SCD5: variants seen among roughly 807,000 people sequenced by gnomAD.
The protein encoded by SCD5 is acyl-CoA-desaturase 4.
In SCD5, 20 loss-of-function variants were observed where a neutral mutation model predicts 30.4. The ratio of observed to expected loss-of-function variants is 0.66; its 90% CI spans 0.46 to 0.96. The LOEUF is 0.96. Ranked by LOEUF, SCD5 falls within the 40% of genes least tolerant of loss-of-function variation. SCD5 has a pLI of 0.00. For synonymous variants in SCD5, 173 were observed against 176.4 expected (o/e 0.98, Z 0.16); for missense variants, 381 against 443.3 (o/e 0.86, Z 1.26).
At chr4:82,787,186 G>C (rs1279957889) in intron 1 of SCD5, among the ~76,000 whole-genome samples, 1 of 152,202 alleles carries the variant, frequency 6.6e-6, no homozygotes, top group Non-Finnish European at 1.5e-5. Flanking sequence ...GACTTCATCA[G>C]TGAGATTCTG....
intron 1 of SCD5, among the ~76,000 whole-genome samples, chr4:82,708,919 T>TAATAGCTACC (rs11269316): frequency 6.6e-6 from 1 of 151,972 alleles, no homozygotes; most frequent in Non-Finnish European, 1.5e-5. Flanking sequence ...TAATAAATAA[T>TAATAGCTACC]ATTGACTGAG....
intron 3 of SCD5, among the ~76,000 whole-genome samples, chr4:82,674,679 T>C (rs929261525): frequency 6.6e-6 from 1 of 152,298 alleles, no homozygotes; most frequent in East Asian, 1.9e-4. Context: ...ACATGAATGT[T>C]TACTCTAGCT....
chr4:82,637,160 G>A (rs1410182420), intron 3 of SCD5, among the ~76,000 whole-genome samples: 2 of 152,138 alleles, frequency 1.3e-5, no homozygotes, highest in African/African-American at 4.8e-5. Context: ...CAGGCCACCA[G>A]TTCAAGATAG....
intron 1 of SCD5, among the ~76,000 whole-genome samples, chr4:82,781,324 G>A (rs1721867368): frequency 6.6e-6 from 1 of 151,980 alleles, no homozygotes; most frequent in Admixed American, 6.6e-5. Context: ...GCTGAGGCAG[G>A]AGAATAGCTT....
chr4:82,652,388 C>A (rs181548429), intron 3 of SCD5, among the ~76,000 whole-genome samples: 1 of 152,286 alleles, frequency 6.6e-6, no homozygotes, highest in Non-Finnish European at 1.5e-5. Context: ...GCAAAGTAAG[C>A]AGGCAATAGG....
intron 1 of SCD5, among the ~76,000 whole-genome samples, chr4:82,730,778 G>C (rs1188824165): frequency 1.3e-5 from 2 of 151,866 alleles, no homozygotes; most frequent in Non-Finnish European, 2.9e-5. Flanking sequence ...TAGAGACGGG[G>C]TTTCACCATG....
At chr4:82,754,003 T>C (rs1356316919) in intron 1 of SCD5, among the ~76,000 whole-genome samples, 1 of 152,004 alleles carries the variant, frequency 6.6e-6, no homozygotes, top group Non-Finnish European at 1.5e-5. Flanking sequence ...CCTGGCTCCT[T>C]AGGGTCCTCC....
At chr4:82,673,309 TACA>T (rs1426253366) in intron 3 of SCD5, among the ~76,000 whole-genome samples, 1 of 152,154 alleles carries the variant, frequency 6.6e-6, no homozygotes, top group African/African-American at 2.4e-5. Flanking sequence ...AATAAGCTAT[TACA>T]ACAAGGTTGC....
chr4:82,676,684 T>C (rs1224125358), intron 3 of SCD5, among the ~76,000 whole-genome samples: 1 of 152,172 alleles, frequency 6.6e-6, no homozygotes, highest in African/African-American at 2.4e-5. Flanking sequence ...TCAAGGAAGA[T>C]TTAGGCAGGT....
chr4:82,663,967 C>G (rs1728103536), intron 3 of SCD5, among the ~76,000 whole-genome samples: 1 of 152,204 alleles, frequency 6.6e-6, no homozygotes, highest in Non-Finnish European at 1.5e-5. Flanking sequence ...GGTTCAGGCA[C>G]AGGAGCGTTG....
chr4:82,764,128 T>C (rs1332089513), intron 1 of SCD5, among the ~76,000 whole-genome samples: 1 of 152,234 alleles, frequency 6.6e-6, no homozygotes, highest in Non-Finnish European at 1.5e-5. Flanking sequence ...ATTAGAACTC[T>C]ACTGTCCATT....
At chr4:82,730,538 C>T (rs986886448) in intron 1 of SCD5, among the ~76,000 whole-genome samples, 21 of 150,054 alleles carry the variant, frequency 1.4e-4, no homozygotes, top group African/African-American at 4.6e-4. Flanking sequence ...CATCATGATC[C>T]GCCCACCTTG....
chr4:82,682,122 C>G lies in SCD5; in HGVS notation c.364-1210G>C, dbSNP rs150728415. Among the ~76,000 whole-genome samples the G allele has an allele frequency of 2.9e-3, 435 of 152,326 alleles. 3 individuals carry two copies. The highest frequency in any genetic ancestry group is 9.9e-3 in the African/African-American group (412 of 41,572). On this transcript the variant is annotated intron_variant, in intron 2 of 4. Coordinates refer to ENST00000319540, the MANE Select transcript of SCD5 (RefSeq NM_001037582.3). ...TGGAGAGGCAGCAGTGGCTGAGGAA[C>G]AGGGCAGCACTCACTGGAGCCCTGA...
chr4:82,705,278 C>A lies in SCD5; in HGVS notation c.363+5G>T, dbSNP rs1369543094. On this transcript the variant is annotated splice_donor_5th_base_variant and intron_variant, in intron 2 of 4. Transcript: ENST00000319540. The stretch of plus-strand genomic sequence containing the variant: ...CCCAACACAGAGAGGACCCTCCATC[C>A]TCACCTGGAAAGCCATGGAGTTGGC... The A allele has an allele frequency of 6.2e-7, 1 of 1,614,132 alleles. No individual in the cohort carries two copies. The highest frequency in any genetic ancestry group is 8.5e-7 in the Non-Finnish European group (1 of 1,179,976).
intron 2 of SCD5, among the ~76,000 whole-genome samples, chr4:82,698,962 G>A (rs1280806578): frequency 6.6e-6 from 1 of 152,184 alleles, no homozygotes; most frequent in Non-Finnish European, 1.5e-5. Context: ...GACCTTGTCT[G>A]TCTTGTTCTC....
chr4:82,698,690 T>G (rs887496573), intron 2 of SCD5, among the ~76,000 whole-genome samples: 3 of 152,162 alleles, frequency 2.0e-5, no homozygotes, highest in African/African-American at 4.8e-5. Flanking sequence ...CACAGCATCC[T>G]CATTCCTGGT....
intron 3 of SCD5, among the ~76,000 whole-genome samples, chr4:82,647,741 C>T (rs1220212859): frequency 2.0e-5 from 3 of 147,168 alleles, no homozygotes; most frequent in Non-Finnish European, 4.4e-5. Flanking sequence ...TCAGTATAAC[C>T]GTGCTGTAAA....
chr4:82,656,257 C>A (rs908455313), intron 3 of SCD5, among the ~76,000 whole-genome samples: 1 of 152,086 alleles, frequency 6.6e-6, no homozygotes, highest in Non-Finnish European at 1.5e-5. Flanking sequence ...AGCATCCCCC[C>A]ACAACCCCCC....
intron 1 of SCD5, among the ~76,000 whole-genome samples, chr4:82,795,681 G>A (rs1340049610): frequency 6.6e-6 from 1 of 151,836 alleles, no homozygotes; most frequent in Non-Finnish European, 1.5e-5. Flanking sequence ...AAATAGCCAG[G>A]TGTGGTGGTG....
Sources: allele counts gnomAD v4.1 joint callset (sites outside exome capture counted in the v4.1 genomes callset), GRCh38; gene constraint gnomAD v4.1.1; transcripts MANE v1.5; gene names NCBI Gene and HGNC (gene_info 2026-07-23, HGNC 2026-07-21).